Variants in ENO4 observed in about 807,000 individuals in gnomAD.
ENO4 encodes enolase 4, also known as 2-phospho-D-glycerate hydro-lyase.
A neutral mutation model predicts 63.2 loss-of-function variants in ENO4; 53 were observed. That is an observed-to-expected ratio of 0.84 (90% CI 0.67 to 1.05). ENO4 has a LOEUF of 1.05. ENO4 is among the 50% of genes least tolerant of loss of function. The probability of loss-of-function intolerance (pLI) is 0.00; values close to 1 mark genes in which losing one functional copy is unlikely to be tolerated. For missense variants in ENO4, 719 were observed against 772.0 expected, an observed-to-expected ratio of 0.93 and a Z score of 0.81; for synonymous variants, 266 against 283.8, an observed-to-expected ratio of 0.94 and a Z score of 0.63.
rs527864506 is a variant in ENO4, at chr10:116,879,833, T to C, written c.1606-36T>C. 2.8e-6 allele frequency: 4 copies of C among 1,450,402 alleles called. No individual in the cohort carries two copies. In the East Asian group the frequency reaches 9.9e-5, roughly 36 times the overall value. The allele number at this position is 1,450,402 out of a possible 1,614,324, so 89.8% of individuals were successfully genotyped here. On this transcript the variant is annotated intron_variant, in intron 12 of 13. Coordinates refer to ENST00000341276, the MANE Select transcript of ENO4 (RefSeq NM_001242699.2). ...TGTTTGTCGTTTAGCAAGACATGGCTCCTCCGTCTAAAATTAGTTTTTTCC... is the reference window on the plus strand; with the variant it reads ...TGTTTGTCGTTTAGCAAGACATGGCCCCTCCGTCTAAAATTAGTTTTTTCC...
chr10:116,897,369 G>A (rs781743004), intron 10 of ENO4, among the ~76,000 whole-genome samples: 34 of 152,128 alleles, frequency 2.2e-4, no homozygotes, highest in Non-Finnish European at 4.9e-4. Flanking sequence ...TCCTAACCGT[G>A]AACAGCTTTA....
At chr10:116,909,946 T>A (rs1272870476) in intron 10 of ENO4, among the ~76,000 whole-genome samples, 1 of 152,152 alleles carries the variant, frequency 6.6e-6, no homozygotes, top group Non-Finnish European at 1.5e-5. Flanking sequence ...CTTTTCGTGT[T>A]CCATCTTAAT....
intron 10 of ENO4, among the ~76,000 whole-genome samples, chr10:116,888,658 TGGA>T (rs776250976): frequency 6.6e-6 from 1 of 152,182 alleles, no homozygotes; most frequent in Non-Finnish European, 1.5e-5. Context: ...TTGGAAAAGC[TGGA>T]GGAGGAGATG....
At chr10:116,893,162 G>C (rs1847392147) in intron 10 of ENO4, among the ~76,000 whole-genome samples, 1 of 152,124 alleles carries the variant, frequency 6.6e-6, no homozygotes, top group South Asian at 2.1e-4. Context: ...CAGCAACTCA[G>C]AACACTTGTA....
At position 116,910,069 on chromosome 10, in the gene ENO4, G is replaced by A. The variant is rs139502566; in HGVS notation, c.1195-1430G>A. Among the ~76,000 whole-genome samples the A allele has an allele frequency of 3.6e-3, 542 of 152,244 alleles. 4 individuals are homozygous for A. Among genetic ancestry groups the A allele is most frequent in the African/African-American group, 0.012 (514 of 41,542 alleles). On this transcript the variant is annotated intron_variant, in intron 10 of 10. Transcript: ENST00000369207. Reference sequence around the variant, plus strand: ...AACAAGCACCACTAAAGACCCAAATGTCTGGCAGGTCGAGCTAGGAGCTTT... The same window carrying A: ...AACAAGCACCACTAAAGACCCAAATATCTGGCAGGTCGAGCTAGGAGCTTT...
At position 116,902,043 on chromosome 10, in the gene ENO4, C is replaced by T. The variant is rs189126751; in HGVS notation, c.1195-9456C>T. On this transcript the variant is annotated intron_variant, in intron 10 of 10. Transcript: ENST00000369207. ...CTGAAAAACAGATTAGCTGAAAATC[C>T]CTCAAGAAGTGAAAAGGCCAAGTTT... 6.4e-6 allele frequency: 8 copies of T among 1,246,950 alleles called. No homozygotes were observed. In the East Asian group the frequency reaches 1.1e-4, roughly 17 times the overall value. 77.2% of individuals were successfully genotyped at this position (1,246,950 alleles called of 1,614,324 possible).
chr10:116,898,993 G>A (rs1322737260), intron 10 of ENO4, among the ~76,000 whole-genome samples: 1 of 152,126 alleles, frequency 6.6e-6, no homozygotes, highest in Non-Finnish European at 1.5e-5. Context: ...TAGGTATAGT[G>A]TGATTTTATT....
intron 1 of ENO4, among the ~76,000 whole-genome samples, chr10:116,853,958 A>C (rs756548378): frequency 4.6e-5 from 7 of 152,190 alleles, no homozygotes; most frequent in Non-Finnish European, 7.3e-5. Flanking sequence ...AGAGCAATAA[A>C]GGTGTGCCTT....
At chr10:116,861,769 G>A (rs2133256752) in intron 6 of ENO4, among the ~76,000 whole-genome samples, 1 of 152,018 alleles carries the variant, frequency 6.6e-6, no homozygotes, top group Admixed American at 6.5e-5. Flanking sequence ...AAAAAGTACA[G>A]AAAGCTTTCC....
At chr10:116,888,964 C>A (rs1178788661) in intron 10 of ENO4, among the ~76,000 whole-genome samples, 1 of 152,244 alleles carries the variant, frequency 6.6e-6, no homozygotes, top group Non-Finnish European at 1.5e-5. Context: ...GATTGAGTCA[C>A]CAGTACGAAG....
rs576063794 is a variant in ENO4, at chr10:116,852,796, C to T, written c.166-2827C>T. 5.3e-5 allele frequency among the ~76,000 whole-genome samples: 8 copies of T among 152,278 alleles called. No homozygotes were observed. The East Asian group carries it at 9.7e-4, about 18-fold the overall frequency. ...ATGCCCAGCCAACCCCTCACTGTGC[C>T]AGCCATCCCAGCTACGGCACTGGAC... On this transcript the variant is annotated intron_variant, in intron 1 of 13. Coordinates refer to ENST00000341276, the MANE Select transcript of ENO4 (RefSeq NM_001242699.2).
intron 1 of ENO4, among the ~76,000 whole-genome samples, chr10:116,852,878 T>G (rs971621031): frequency 1.3e-5 from 2 of 152,124 alleles, no homozygotes; most frequent in African/African-American, 2.4e-5. Flanking sequence ...GATGATTACA[T>G]CTGCATAAGG....
At chr10:116,892,098 C>A (rs1177320953) in intron 10 of ENO4, among the ~76,000 whole-genome samples, 1 of 152,182 alleles carries the variant, frequency 6.6e-6, no homozygotes, top group Non-Finnish European at 1.5e-5. Flanking sequence ...GGGCAAAGAT[C>A]TATGTCTATG....
At chr10:116,907,211 A>G (rs1391944777) in intron 10 of ENO4, among the ~76,000 whole-genome samples, 3 of 152,204 alleles carry the variant, frequency 2.0e-5, no homozygotes, top group Non-Finnish European at 4.4e-5. Flanking sequence ...CCCTGGCTGC[A>G]CACCTGATGT....
At chr10:116,850,023 T>G in intron 1 of ENO4, 1 of 568,720 alleles carries the variant, frequency 1.8e-6, no homozygotes, top group Non-Finnish European at 3.2e-6. Context: ...CCTCGCTGCC[T>G]AAGAGGCCTC....
rs1320213815 is a variant in ENO4, at chr10:116,876,167, A to C, written c.1444A>C (p.Asn482His). The change falls in exon 11 of 14, where the codon AAC becomes CAC. Residue 482 changes from asparagine (N) to histidine (H), a missense_variant. Physicochemically the swap from Asn to His is moderately conservative, Grantham distance 68. This residue lies in a region of ENO4 where 7 missense variants were observed against 25.1 expected (regional missense o/e 0.28). Transcript: ENST00000341276. ...CATTTCTAAACTTCTAGAGCAAGGAAACATCAGCATCCCCAAATCCAATGG... is the reference window on the plus strand; with the variant it reads ...CATTTCTAAACTTCTAGAGCAAGGACACATCAGCATCCCCAAATCCAATGG... ...KSISKLLEQG[N>H]ISIPKSNGLI... The C allele has an allele frequency of 2.6e-6, 4 of 1,550,626 alleles. No individual in the cohort carries two copies. Among genetic ancestry groups the C allele is most frequent in the Non-Finnish European group, 3.5e-6 (4 of 1,147,022 alleles).
chr10:116,850,707 T>C (rs1846053909), intron 1 of ENO4, among the ~76,000 whole-genome samples: 1 of 152,162 alleles, frequency 6.6e-6, no homozygotes, highest in Admixed American at 6.5e-5. Flanking sequence ...TGGCCTATAC[T>C]ATCAAAGGGG....
In ENO4 at chr10:116,859,118, A is replaced by G. The variant is rs936601022; in HGVS notation, c.614A>G (p.Lys205Arg). 11 of 1,530,044 alleles carry G rather than the reference A, an allele frequency of 7.2e-6. No homozygotes were observed. The highest frequency in any genetic ancestry group is 8.7e-6 in the Non-Finnish European group (10 of 1,144,432). The allele number at this position is 1,530,044 out of a possible 1,614,324, so 94.8% of individuals were successfully genotyped here. A position where few individuals can be genotyped will look rare whatever the true frequency, so the allele number is the denominator to read the frequency against. The change falls in exon 4 of 14, where the codon AAA becomes AGA. Residue 205 changes from lysine to arginine, a missense_variant. Around this residue, in one of 3 missense-constraint regions of ENO4, gnomAD observed 544 missense variants for 583.6 expected, o/e 0.93. Transcript: ENST00000341276. ...PPPPPPPPPT[K>R]KKGQKPGRKD... ...CCACCACCCCCTCCACCTCCTACCA[A>G]AAAAAAGGGGCAAAAGCCAGGTTGG...
chr10:116,856,683 G>A lies in ENO4; in HGVS notation c.485+1G>A, dbSNP rs1846268443. On this transcript the variant is annotated splice_donor_variant, in intron 3 of 13. Transcript: ENST00000341276. LOFTEE classifies it high-confidence loss of function. ...AGGCAGAGGTGGATCACCTACTCAGGTACAGTTTCCACTTTGAAATATAAA... is the reference window on the plus strand; with the variant it reads ...AGGCAGAGGTGGATCACCTACTCAGATACAGTTTCCACTTTGAAATATAAA... The A allele has an allele frequency of 6.6e-7, 1 of 1,518,018 alleles. No individual in the cohort carries two copies. Among genetic ancestry groups the A allele is most frequent in the Non-Finnish European group, 8.8e-7 (1 of 1,137,890 alleles). The allele number at this position is 1,518,018 out of a possible 1,614,324, so 94.0% of individuals were successfully genotyped here. A position where few individuals can be genotyped will look rare whatever the true frequency, so the allele number is the denominator to read the frequency against.
Sources: gnomAD v4.1 joint callset for allele counts (sites outside exome capture counted in the v4.1 genomes callset) on GRCh38, gnomAD v4.1.1 for gene constraint, gnomAD v4.1.1 regional missense constraint, MANE v1.5 for transcripts, NCBI Gene and HGNC (gene_info 2026-07-23, HGNC 2026-07-21) for gene names.